The following MYRFL variants were observed in gnomAD, a reference collection of about 807,000 sequenced individuals.
MYRFL encodes myelin regulatory factor like.
In MYRFL, 88 loss-of-function variants were observed where a neutral mutation model predicts 109.4. That is an observed-to-expected ratio of 0.80 (90% CI 0.68 to 0.96). The LOEUF is 0.96. MYRFL is among the 40% of genes least tolerant of loss of function. MYRFL has a pLI of 0.00. For synonymous variants in MYRFL, 324 were observed against 320.9 expected (o/e 1.01, Z -0.10); for missense variants, 957 against 954.9 (o/e 1.00, Z -0.03).
chr12:69,849,362 A>G (rs1267107572), intron 1 of MYRFL, among the ~76,000 whole-genome samples: 2 of 152,216 alleles, frequency 1.3e-5, no homozygotes, highest in Non-Finnish European at 2.9e-5. Flanking sequence ...TTTCTTGATG[A>G]TAAATTTTTC....
intron 1 of MYRFL, among the ~76,000 whole-genome samples, chr12:69,830,544 T>C (rs1882570552): frequency 6.6e-6 from 1 of 151,806 alleles, no homozygotes; most frequent in African/African-American, 2.4e-5. Flanking sequence ...TGTTCATCTG[T>C]GCAGCAGCCT....
At chr12:69,835,728 G>T (rs749154003) in intron 1 of MYRFL, among the ~76,000 whole-genome samples, 3 of 152,168 alleles carry the variant, frequency 2.0e-5, no homozygotes, top group South Asian at 2.1e-4. Flanking sequence ...CATGGAAGAG[G>T]TTCCCTTGTC....
chr12:69,898,821 A>C (rs1341545466), intron 10 of MYRFL, among the ~76,000 whole-genome samples: 1 of 152,190 alleles, frequency 6.6e-6, no homozygotes, highest in African/African-American at 2.4e-5. Flanking sequence ...CTGCAAAGCT[A>C]TACGCAGCTG....
chr12:69,862,107 T>C (rs1486518290), intron 2 of MYRFL, among the ~76,000 whole-genome samples: 6 of 151,074 alleles, frequency 4.0e-5, no homozygotes, highest in Admixed American at 3.9e-4. Flanking sequence ...CATTGATCTA[T>C]ATCTCTGTTT....
chr12:69,958,108 C>T (rs1202004446), intron 23 of MYRFL, 141 bp from the exon 24 acceptor site: 4 of 1,165,374 alleles, frequency 3.4e-6, no homozygotes, highest in African/African-American at 3.1e-5. Context: ...GTTGCTAGGA[C>T]TGTTCTAGCA....
At chr12:69,895,863 AAG>A (rs1953976932) in intron 9 of MYRFL, among the ~76,000 whole-genome samples, 1 of 152,228 alleles carries the variant, frequency 6.6e-6, no homozygotes, top group Admixed American at 6.5e-5. Flanking sequence ...TTGATTAAAA[AAG>A]AAAATAACTT....
rs758042272 is a variant in MYRFL, at chr12:69,952,895, G to A, written c.2375+9G>A. 26 of 1,522,478 alleles carry A rather than the reference G, an allele frequency of 1.7e-5. No individual in the cohort carries two copies. The highest frequency in any genetic ancestry group is 3.3e-4 in the Middle Eastern group (2 of 5,988). 94.3% of individuals were successfully genotyped at this position (1,522,478 alleles called of 1,614,324 possible). On this transcript the variant is annotated intron_variant, in intron 21 of 24. Coordinates refer to ENST00000552032, the MANE Select transcript of MYRFL (RefSeq NM_182530.3). ...CAAAGCCTCCAGTGCGGGTAGGTAA[G>A]CCTCCCCAGCATGCCCTGGTTGTTT... is the stretch of plus-strand genomic sequence containing the variant.
chr12:69,914,995 C>T (rs1321405922), intron 13 of MYRFL, among the ~76,000 whole-genome samples: 1 of 152,178 alleles, frequency 6.6e-6, no homozygotes, highest in Non-Finnish European at 1.5e-5. Context: ...GTGTGCTGTG[C>T]CTCACTTCTG....
In MYRFL at chr12:69,873,394, A is replaced by AT. The variant is rs200317534; in HGVS notation, c.138-5625dup. Among the ~76,000 whole-genome samples the AT allele has an allele frequency of 1.1e-3, 174 of 151,694 alleles. 3 individuals are homozygous for AT. The highest frequency in any genetic ancestry group is 9.5e-3 in the Admixed American group (145 of 15,230). The stretch of plus-strand genomic sequence containing the variant: ...TAGATTCTAGCAATCTCAGCACACG[A>AT]TTTTTTTTTCTTTCCTTACTATGTC... On this transcript the variant is annotated intron_variant, in intron 2 of 24. Transcript: ENST00000552032.
At position 69,872,259 on chromosome 12, in the gene MYRFL, T is replaced by G. The variant is rs542708950; in HGVS notation, c.138-6769T>G. On this transcript the variant is annotated intron_variant, in intron 2 of 24. Coordinates refer to ENST00000552032, the MANE Select transcript of MYRFL (RefSeq NM_182530.3). ...GTTAACTTTTGACTTATCTGTGTCT[T>G]TATATTTCAAGTGTTTTTGCAGGCA... 5.9e-5 allele frequency among the ~76,000 whole-genome samples: 9 copies of G among 152,344 alleles called. No homozygotes were observed. The East Asian group carries it at 1.7e-3, about 29-fold the overall frequency.
At chr12:69,844,042 T>A (rs1883389834) in intron 1 of MYRFL, among the ~76,000 whole-genome samples, 2 of 152,240 alleles carry the variant, frequency 1.3e-5, no homozygotes, top group Admixed American at 1.3e-4. Context: ...TTTAAAAGCA[T>A]GAGATTTATT....
At chr12:69,936,990 C>T (rs1296064735) in intron 19 of MYRFL, among the ~76,000 whole-genome samples, 1 of 152,148 alleles carries the variant, frequency 6.6e-6, no homozygotes, top group Non-Finnish European at 1.5e-5. Flanking sequence ...TCTGGGCTCT[C>T]TGCCTAAACT....
At chr12:69,922,235 T>A (rs1481837966) in intron 13 of MYRFL, among the ~76,000 whole-genome samples, 1 of 152,154 alleles carries the variant, frequency 6.6e-6, no homozygotes, top group Non-Finnish European at 1.5e-5. Context: ...GTAATTATAG[T>A]ATAAGGCTCT....
Position 69,958,676 on chromosome 12 carries a change from A to C in MYRFL, c.*145A>C, listed in dbSNP as rs1421128470. 1.5e-5 allele frequency: 9 copies of C among 618,006 alleles called. No homozygotes were observed. Among genetic ancestry groups the C allele is most frequent in the Non-Finnish European group, 2.2e-5 (8 of 363,682 alleles). The allele number at this position is 618,006 out of a possible 1,614,324, so 38.3% of individuals were successfully genotyped here. ...GGACTTTTTCAGGCTTTAGCTTCCA[A>C]CAGTTTTGAGACATTAATGAGGAGA... On this transcript the variant is annotated 3_prime_UTR_variant, in exon 25 of 25. Coordinates refer to ENST00000552032, the MANE Select transcript of MYRFL (RefSeq NM_182530.3).
At chr12:69,834,299 G>A (rs921184027) in intron 1 of MYRFL, among the ~76,000 whole-genome samples, 1 of 152,224 alleles carries the variant, frequency 6.6e-6, no homozygotes, top group African/African-American at 2.4e-5. Context: ...AGAGCATCAT[G>A]TGACTTGATG....
At chr12:69,917,093 TAA>T (rs1365441021) in intron 13 of MYRFL, among the ~76,000 whole-genome samples, 1 of 152,114 alleles carries the variant, frequency 6.6e-6, no homozygotes, top group Non-Finnish European at 1.5e-5. Context: ...TTCTCAGCCC[TAA>T]AGACTCTTCA....
At chr12:69,856,292 T>C (rs1241504413) in intron 2 of MYRFL, among the ~76,000 whole-genome samples, 1 of 152,204 alleles carries the variant, frequency 6.6e-6, no homozygotes, top group African/African-American at 2.4e-5. Context: ...ACAGCTTGTT[T>C]AGCCATTTAT....
chr12:69,954,303 G>A (rs1346129419), intron 21 of MYRFL, among the ~76,000 whole-genome samples: 1 of 152,154 alleles, frequency 6.6e-6, no homozygotes, highest in South Asian at 2.1e-4. Context: ...GCAGATAATG[G>A]GAGAGACATC....
At chr12:69,861,159 T>C (rs1168921110) in intron 2 of MYRFL, among the ~76,000 whole-genome samples, 1 of 151,516 alleles carries the variant, frequency 6.6e-6, no homozygotes, top group Non-Finnish European at 1.5e-5. Context: ...GTTGGACATT[T>C]GGGTTGGTTC....
Sources: gnomAD v4.1 joint callset for allele counts (sites outside exome capture counted in the v4.1 genomes callset) on GRCh38, gnomAD v4.1.1 for gene constraint, MANE v1.5 for transcripts, NCBI Gene and HGNC (gene_info 2026-07-23, HGNC 2026-07-21) for gene names.